The following CCN4 variants were observed in gnomAD, a reference collection of about 807,000 sequenced individuals.
CCN4 encodes CCN family member 4.
CCN4 carries 30 observed loss-of-function variants against 36.7 expected under a neutral mutation model. That is an observed-to-expected ratio of 0.82 (90% CI 0.61 to 1.11). The LOEUF is 1.11. Ranked by LOEUF, CCN4 falls within the 50% of genes least tolerant of loss-of-function variation. The pLI is 0.00. For synonymous variants in CCN4, 191 were observed against 195.4 expected, an observed-to-expected ratio of 0.98 and a Z score of 0.19; for missense variants, 505 against 504.9, an observed-to-expected ratio of 1.00 and a Z score of 0.00.
rs116148056 is a variant in CCN4, at chr8:133,196,682, T to C, written c.69+5469T>C. Reference sequence around the variant, plus strand: ...CCAGCTTTTCTGAGCCAGGATCATCTCTGTATAAAGGAATATATTAACATT... The same window carrying C: ...CCAGCTTTTCTGAGCCAGGATCATCCCTGTATAAAGGAATATATTAACATT... On this transcript the variant is annotated intron_variant, in intron 1 of 4. Transcript: ENST00000250160. 4.2e-3 allele frequency among the ~76,000 whole-genome samples: 646 copies of C among 152,282 alleles called. 2 individuals are homozygous for C. The highest frequency in any genetic ancestry group is 0.014 in the African/African-American group (572 of 41,542).
At chr8:133,191,753 G>A (rs1853120270) in intron 1 of CCN4, among the ~76,000 whole-genome samples, 1 of 152,222 alleles carries the variant, frequency 6.6e-6, no homozygotes, top group East Asian at 1.9e-4. Context: ...TGAGCAAACA[G>A]TGCTCAGGGT....
intron 2 of CCN4, among the ~76,000 whole-genome samples, chr8:133,218,762 G>T (rs947928340): frequency 6.6e-6 from 1 of 152,066 alleles, no homozygotes; most frequent in African/African-American, 2.4e-5. Flanking sequence ...GGTATCAAGG[G>T]TGATATCTGG....
Position 133,227,992 on chromosome 8 carries a change from A to AG in CCN4, c.*283dup, listed in dbSNP as rs1854808923. 2.9e-6 allele frequency: 1 copy of AG among 346,546 alleles called. No individual in the cohort carries two copies. The highest frequency in any genetic ancestry group is 4.4e-5 in the Admixed American group (1 of 22,852). The allele number at this position is 346,546 out of a possible 1,614,324, so 21.5% of individuals were successfully genotyped here. On this transcript the variant is annotated 3_prime_UTR_variant, in exon 5 of 5. Transcript: ENST00000250160. ...GATCCAGCCTTTCCAAGTCACTAGA[A>AG]GTCCTGCTGGATCTTGCCTAAATCC...
At chr8:133,198,220 A>G (rs577689339) in intron 1 of CCN4, among the ~76,000 whole-genome samples, 2 of 152,274 alleles carry the variant, frequency 1.3e-5, no homozygotes, top group Admixed American at 1.3e-4. Context: ...TTCTCTAGAA[A>G]GGGGTTGTCG....
chr8:133,211,618 C>T (rs1022350376), intron 1 of CCN4, among the ~76,000 whole-genome samples: 2 of 152,172 alleles, frequency 1.3e-5, no homozygotes, highest in South Asian at 2.1e-4. Context: ...ATCTGTGATC[C>T]CACAAAGCAG....
At chr8:133,209,650 G>A (rs1853919561) in intron 1 of CCN4, among the ~76,000 whole-genome samples, 2 of 152,234 alleles carry the variant, frequency 1.3e-5, no homozygotes, top group African/African-American at 4.8e-5. Flanking sequence ...AGGATGGATA[G>A]TGATCCCAGG....
chr8:133,211,467 G>T (rs1055240523), intron 1 of CCN4, among the ~76,000 whole-genome samples: 4 of 152,216 alleles, frequency 2.6e-5, no homozygotes, highest in African/African-American at 9.7e-5. Flanking sequence ...AGATTAATTT[G>T]CATCTTGGCC....
chr8:133,214,730 A>G (rs1035470029), intron 2 of CCN4, among the ~76,000 whole-genome samples: 2 of 152,142 alleles, frequency 1.3e-5, no homozygotes, highest in African/African-American at 4.8e-5. Flanking sequence ...GCAGCAGCCT[A>G]ACTTCTGAAA....
chr8:133,222,762 A>T (rs1360721269), intron 3 of CCN4, among the ~76,000 whole-genome samples: 2 of 151,480 alleles, frequency 1.3e-5, no homozygotes, highest in African/African-American at 4.9e-5. Context: ...GAGCAGTAGA[A>T]AAATGGCAAT....
intron 4 of CCN4, among the ~76,000 whole-genome samples, chr8:133,227,105 T>C (rs1455746990): frequency 2.0e-5 from 3 of 152,310 alleles, no homozygotes; most frequent in Admixed American, 6.5e-5. Flanking sequence ...GCTCCCCATG[T>C]TGGTGAAACC....
intron 1 of CCN4, among the ~76,000 whole-genome samples, chr8:133,200,125 T>C (rs1200049788): frequency 6.6e-6 from 1 of 152,140 alleles, no homozygotes; most frequent in East Asian, 1.9e-4. Context: ...GGAAGGGAGA[T>C]GGAGTCACGC....
chr8:133,207,262 G>A (rs548052892), intron 1 of CCN4, among the ~76,000 whole-genome samples: 3 of 152,360 alleles, frequency 2.0e-5, no homozygotes, highest in Non-Finnish European at 4.4e-5. Flanking sequence ...TAGACCACCC[G>A]AATGGCAGCT....
intron 1 of CCN4, among the ~76,000 whole-genome samples, chr8:133,209,284 A>G (rs568266081): frequency 1.3e-5 from 2 of 152,228 alleles, no homozygotes; most frequent in African/African-American, 4.8e-5. Context: ...TATGCTGGAC[A>G]TACCCTAGGT....
chr8:133,213,432 C>A (rs980748520), intron 2 of CCN4, among the ~76,000 whole-genome samples: 2 of 152,172 alleles, frequency 1.3e-5, no homozygotes, highest in Non-Finnish European at 2.9e-5. Flanking sequence ...ATACCTAAGC[C>A]TGGTTTTGTT....
Position 133,231,555 on chromosome 8 carries a change from T to C in CCN4, c.*3845T>C, listed in dbSNP as rs1268691799. The C allele has an allele frequency of 1.3e-5, 2 of 152,210 alleles. No homozygotes were observed. The highest frequency in any genetic ancestry group is 2.9e-5 in the Non-Finnish European group (2 of 68,042). The allele number at this position is 152,210 out of a possible 1,614,324, so 9.4% of individuals were successfully genotyped here. A position where few individuals can be genotyped will look rare whatever the true frequency, so the allele number is the denominator to read the frequency against. On this transcript the variant is annotated 3_prime_UTR_variant, in exon 5 of 5. Coordinates refer to ENST00000250160, the MANE Select transcript of CCN4 (RefSeq NM_003882.4). ...GGGTTTTCATTGCTCAATTTCTCTGTGTAAGTCTTTTCCTTAAGGTAATAA... is the reference window on the plus strand; with the variant it reads ...GGGTTTTCATTGCTCAATTTCTCTGCGTAAGTCTTTTCCTTAAGGTAATAA...
At chr8:133,225,263 TG>T (rs747664635) in intron 3 of CCN4, 126 bp from the exon 4 acceptor site, 17 of 924,236 alleles carry the variant, frequency 1.8e-5, no homozygotes, top group Non-Finnish European at 2.6e-5. Flanking sequence ...TGCTGTCCTG[TG>T]GGGAGGTACA....
chr8:133,203,173 G>A (rs987668470), intron 1 of CCN4, among the ~76,000 whole-genome samples: 59 of 152,228 alleles, frequency 3.9e-4, no homozygotes, highest in Non-Finnish European at 1.0e-4. Flanking sequence ...GGTGTGCCAG[G>A]CGCAGTGCCG....
rs750381083 is a variant in CCN4 at position 133,227,888 on chromosome 8, G to A, written c.*178G>A. The A allele has an allele frequency of 2.8e-5, 19 of 686,672 alleles. No homozygotes were observed. The highest frequency in any genetic ancestry group is 4.5e-5 in the Non-Finnish European group (19 of 422,100). The allele number at this position is 686,672 out of a possible 1,614,324, so 42.5% of individuals were successfully genotyped here. On this transcript the variant is annotated 3_prime_UTR_variant, in exon 5 of 5. Coordinates refer to ENST00000250160, the MANE Select transcript of CCN4 (RefSeq NM_003882.4). ...GGTGCTGCTCAGGCCCATGCTATGA[G>A]TTTTCTCCTTGATATCATTCAGCAT...
intron 1 of CCN4, among the ~76,000 whole-genome samples, chr8:133,209,617 C>G (rs780423847): frequency 1.3e-5 from 2 of 152,218 alleles, no homozygotes; most frequent in East Asian, 1.9e-4. Context: ...TTCTGGGCAT[C>G]TTTAACTTGG....
Sources: allele counts gnomAD v4.1 joint callset (sites outside exome capture counted in the v4.1 genomes callset), GRCh38; gene constraint gnomAD v4.1.1; transcripts MANE v1.5; gene names NCBI Gene and HGNC (gene_info 2026-07-23, HGNC 2026-07-21).